The following DNA2 variants were observed in gnomAD, a reference collection of about 807,000 sequenced individuals.
DNA2 encodes DNA replication ATP-dependent helicase/nuclease DNA2.
DNA2 carries 101 observed loss-of-function variants against 119.1 expected under a neutral mutation model. The observed-to-expected ratio is 0.85, with a 90% CI of 0.72 to 1.00. The LOEUF is 1.00. Ranked by LOEUF, DNA2 falls within the 50% of genes least tolerant of loss-of-function variation. The pLI is 0.00. For synonymous variants in DNA2, 366 were observed against 424.4 expected (o/e 0.86, Z 1.69); for missense variants, 1,121 against 1,255.5 (o/e 0.89, Z 1.62).
At chr10:68,452,722 C>T (rs891535310) in intron 5 of DNA2, among the ~76,000 whole-genome samples, 1 of 149,588 alleles carries the variant, frequency 6.7e-6, no homozygotes, top group South Asian at 2.1e-4. Flanking sequence ...CAGGCATCTG[C>T]CATTACGCCC....
At chr10:68,448,762 A>G (rs1348328775) in intron 6 of DNA2, among the ~76,000 whole-genome samples, 2 of 150,590 alleles carry the variant, frequency 1.3e-5, no homozygotes, top group Non-Finnish European at 2.9e-5. Context: ...ATCACTTAAG[A>G]TATTGAAATG....
intron 17 of DNA2, among the ~76,000 whole-genome samples, chr10:68,421,350 G>T (rs1432180255): frequency 6.6e-6 from 1 of 152,152 alleles, no homozygotes; most frequent in Admixed American, 6.6e-5. Context: ...CTAGGAAATA[G>T]AATTATACCC....
chr10:68,466,159 T>C (rs2052324507), intron 3 of DNA2, among the ~76,000 whole-genome samples: 2 of 152,126 alleles, frequency 1.3e-5, no homozygotes, highest in African/African-American at 4.8e-5. Context: ...TAGCTGGAAT[T>C]ACAGGTGTGT....
chr10:68,433,557 C>A (rs1489927062), intron 10 of DNA2, among the ~76,000 whole-genome samples: 2 of 151,914 alleles, frequency 1.3e-5, no homozygotes, highest in Non-Finnish European at 2.9e-5. Flanking sequence ...TGAGAGAGGG[C>A]CTTGTTCTGT....
intron 19 of DNA2, 135 bp from the exon 20 acceptor site, chr10:68,416,990 TCCCAG>T: frequency 1.4e-6 from 1 of 734,568 alleles, no homozygotes; most frequent in Non-Finnish European, 2.1e-6. Context: ...ATGCCTGTAA[TCCCAG>T]TACTTTGGGA....
At position 68,419,015 on chromosome 10, in the gene DNA2, G is replaced by C. The variant is rs900823161; in HGVS notation, c.2967+19C>G. 1.3e-6 allele frequency: 2 copies of C among 1,566,850 alleles called. No individual in the cohort carries two copies. The highest frequency in any genetic ancestry group is 1.7e-6 in the Non-Finnish European group (2 of 1,159,084). On this transcript the variant is annotated intron_variant, in intron 19 of 20. Coordinates refer to ENST00000358410, the MANE Select transcript of DNA2 (RefSeq NM_001080449.3). The stretch of plus-strand genomic sequence containing the variant: ...GAGAAATGCCCCAAATGAATCAGTA[G>C]CAAACACAATTAACTCACAGTTCCA...
chr10:68,426,761 C>T (rs1240359425), intron 14 of DNA2, among the ~76,000 whole-genome samples: 1 of 151,498 alleles, frequency 6.6e-6, no homozygotes, highest in East Asian at 2.0e-4. Flanking sequence ...ATGGCGTGAA[C>T]CCGGGAGGCA....
At chr10:68,434,477 C>T (rs932769758) in intron 10 of DNA2, among the ~76,000 whole-genome samples, 6 of 151,880 alleles carry the variant, frequency 4.0e-5, no homozygotes, top group African/African-American at 7.3e-5. Context: ...GTGAGACCCC[C>T]CCCATCTCTA....
Position 68,424,754 on chromosome 10 carries a change from G to A in DNA2, c.2209-1864C>T. 32 of 1,478,702 alleles carry A rather than the reference G, an allele frequency of 2.2e-5. No homozygotes were observed. In the South Asian group the frequency reaches 3.6e-4, roughly 17 times the overall value. The allele number at this position is 1,478,702 out of a possible 1,614,324, so 91.6% of individuals were successfully genotyped here. ...TAGTTCAAGGACACTACAAAGGTCA[G>A]CAAATTGGCAAGGTAGTCCAGGTGT... On this transcript the variant is annotated intron_variant, in intron 14 of 20. Coordinates refer to ENST00000358410, the MANE Select transcript of DNA2 (RefSeq NM_001080449.3).
intron 14 of DNA2, among the ~76,000 whole-genome samples, chr10:68,423,166 T>G (rs554729283): frequency 4.6e-4 from 69 of 150,824 alleles, no homozygotes; most frequent in African/African-American, 1.6e-3. Flanking sequence ...AATAAGTTAG[T>G]TCTTTTTTTG....
rs1399962167 is a variant in DNA2 at position 68,465,826 on chromosome 10, TCA to T, written c.442-16_442-15del. ...TGGATCAGAGCTCTACAAAAGCAAA[TCA>T]CACAGTTTATTTCACAACATATTAA... On this transcript the variant is annotated splice_polypyrimidine_tract_variant and intron_variant, in intron 3 of 20. Coordinates refer to ENST00000358410, the MANE Select transcript of DNA2 (RefSeq NM_001080449.3). 17 of 1,505,936 alleles carry T rather than the reference TCA, an allele frequency of 1.1e-5. No individual in the cohort carries two copies. Among genetic ancestry groups the T allele is most frequent in the Admixed American group, 2.2e-5 (1 of 45,192 alleles). The allele number at this position is 1,505,936 out of a possible 1,614,324, so 93.3% of individuals were successfully genotyped here.
chr10:68,419,039 C>T lies in DNA2; in HGVS notation c.2962G>A (p.Gly988Arg), dbSNP rs1051975386. The change falls in exon 19 of 21, where the codon GGA becomes AGA. Residue 988 changes from glycine (G) to arginine (R), a missense_variant. Physicochemically the swap from Gly to Arg is moderately radical, Grantham distance 125. Transcript: ENST00000358410. ...LVSFVRSNKD[G>R]TVGELLKDWR... is the part of the protein sequence containing the mutation. The stretch of plus-strand genomic sequence containing the variant: ...AGCAAACACAATTAACTCACAGTTC[C>T]ATCCTTATTACTTCTAACAAAAGAT... 1 of 1,595,548 alleles carries T rather than the reference C, an allele frequency of 6.3e-7. No individual in the cohort carries two copies. Among genetic ancestry groups the T allele is most frequent in the Non-Finnish European group, 8.5e-7 (1 of 1,173,704 alleles).
At chr10:68,472,206 T>C (rs184916919), upstream of DNA2, 295 of 1,240,342 alleles carry the variant, frequency 2.4e-4, no homozygotes, top group African/African-American at 4.1e-3. Context: ...ACCATTCTCC[T>C]GCTTCAGCCT....
At chr10:68,466,132 T>G (rs768349291) in intron 3 of DNA2, among the ~76,000 whole-genome samples, 1 of 152,042 alleles carries the variant, frequency 6.6e-6, no homozygotes, top group African/African-American at 2.4e-5. Flanking sequence ...ATGATTCTCA[T>G]GCCTCAACCT....
In DNA2 at chr10:68,422,226, T is replaced by A; in HGVS notation, c.2696A>T (p.Lys899Met). 6.4e-7 allele frequency: 1 copy of A among 1,553,328 alleles called. No homozygotes were observed. Among genetic ancestry groups the A allele is most frequent in the Non-Finnish European group, 8.7e-7 (1 of 1,155,224 alleles). Reference protein sequence around the residue: ...NNPVCFLNTDKVPAPEQVEKG... With the variant: ...NNPVCFLNTDMVPAPEQVEKG... ...CTAAACAGAAATTTTTTTTTTTACC[T>A]TGTCTGTATTAAGGAAACAAACAGG... is the stretch of plus-strand genomic sequence containing the variant. The change falls in exon 17 of 21, where the codon AAG (lysine) becomes ATG (methionine). Residue 899 changes from lysine to methionine, a missense_variant and splice_region_variant. Transcript: ENST00000358410.
Position 68,451,096 on chromosome 10 carries a change from T to TAAA in DNA2, c.720-852_720-850dup, listed in dbSNP as rs754298528. Among the ~76,000 whole-genome samples, 414 of 98,708 alleles carry TAAA rather than the reference T, an allele frequency of 4.2e-3. 3 individuals are homozygous for TAAA. Among genetic ancestry groups the TAAA allele is most frequent in the South Asian group, 8.8e-3 (26 of 2,944 alleles). The allele number at this position is 98,708 out of a possible 152,430, so 64.8% of individuals were successfully genotyped here. On this transcript the variant is annotated intron_variant, in intron 5 of 20. Coordinates refer to ENST00000358410, the MANE Select transcript of DNA2 (RefSeq NM_001080449.3). ...ACCTGAGTGACAGAACAAGACTGTCTAAAAAAAAAAAAAAAAAAAAAGAAG... is the reference window on the plus strand; with the variant it reads ...ACCTGAGTGACAGAACAAGACTGTCTAAAAAAAAAAAAAAAAAAAAAAAAGAAG...
intron 19 of DNA2, 39 bp from the exon 20 acceptor site, chr10:68,416,894 G>T (rs2051596335): frequency 1.3e-6 from 2 of 1,568,026 alleles, no homozygotes; most frequent in South Asian, 2.3e-5. Context: ...AAGTTCAAAG[G>T]AATGGTTAAA....
intron 14 of DNA2, among the ~76,000 whole-genome samples, chr10:68,428,740 T>C (rs2051776246): frequency 6.6e-6 from 1 of 152,204 alleles, no homozygotes; most frequent in South Asian, 2.1e-4. Context: ...TGCATTTACT[T>C]AACATTCTCG....
At chr10:68,418,990 G>A in intron 19 of DNA2, 44 bp downstream of exon 19, 1 of 1,527,708 alleles carries the variant, frequency 6.5e-7, no homozygotes, top group South Asian at 1.3e-5. Context: ...TTTAAAGAGA[G>A]AGAAATGCCC....
Sources: gnomAD v4.1 joint callset for allele counts (sites outside exome capture counted in the v4.1 genomes callset) on GRCh38, gnomAD v4.1.1 for gene constraint, MANE v1.5 for transcripts, NCBI Gene and HGNC (gene_info 2026-07-23, HGNC 2026-07-21) for gene names.